RNF216: variants seen among roughly 807,000 people sequenced by gnomAD.
RNF216 encodes E3 ubiquitin-protein ligase RNF216.
Under a neutral mutation model 110.8 loss-of-function variants are expected in RNF216, and 72 were observed. The observed-to-expected ratio is 0.65, with a 90% CI of 0.54 to 0.79. The LOEUF is 0.79. RNF216 is among the 30% of genes least tolerant of loss of function. The pLI, the probability that RNF216 is intolerant of heterozygous loss-of-function variation, is 0.00. For synonymous variants in RNF216, 495 were observed against 407.5 expected, an observed-to-expected ratio of 1.21 and a Z score of -2.59; for missense variants, 1,342 against 1,141.2, an observed-to-expected ratio of 1.18 and a Z score of -2.54.
intron 12 of RNF216, 82 bp from the exon 13 acceptor site, chr7:5,711,921 A>G: frequency 8.0e-7 from 1 of 1,255,536 alleles, no homozygotes; most frequent in Non-Finnish European, 1.1e-6. Flanking sequence ...TGTTCATATG[A>G]AGATGGAGTT....
chr7:5,712,081 C>T (rs375583458), intron 12 of RNF216, among the ~76,000 whole-genome samples: 3 of 152,302 alleles, frequency 2.0e-5, no homozygotes, highest in African/African-American at 7.2e-5. Context: ...CACGTCCCAA[C>T]CTTAATGAGA....
At chr7:5,759,261 C>T (rs1795804288) in intron 2 of RNF216, among the ~76,000 whole-genome samples, 1 of 152,132 alleles carries the variant, frequency 6.6e-6, no homozygotes, top group Non-Finnish European at 1.5e-5. Flanking sequence ...GAATTGTGAA[C>T]CAATTAAACC....
intron 13 of RNF216, among the ~76,000 whole-genome samples, chr7:5,707,748 G>T (rs1300780191): frequency 7.6e-5 from 9 of 118,932 alleles, no homozygotes; most frequent in Admixed American, 1.1e-4. Context: ...TTTTGTGACA[G>T]AGTCTCACTC....
At position 5,620,925 on chromosome 7, in the gene RNF216, A is replaced by T. The variant is rs890014120; in HGVS notation, c.*1935T>A. 1.3e-5 allele frequency: 2 copies of T among 152,208 alleles called. No individual in the cohort carries two copies. The highest frequency in any genetic ancestry group is 4.8e-5 in the African/African-American group (2 of 41,442). The allele number at this position is 152,208 out of a possible 1,614,324, so 9.4% of individuals were successfully genotyped here. A position where few individuals can be genotyped will look rare whatever the true frequency, so the allele number is the denominator to read the frequency against. ...TCCCAGAGATCCTCCCTGGGGAAGC[A>T]CAGGGAGCATATTTAAGGTACCGAA... On this transcript the variant is annotated 3_prime_UTR_variant, in exon 17 of 17. Transcript: ENST00000389902.
chr7:5,699,560 C>T (rs1054687390), intron 13 of RNF216, among the ~76,000 whole-genome samples: 1 of 152,240 alleles, frequency 6.6e-6, no homozygotes, highest in African/African-American at 2.4e-5. Context: ...TCTTCACCCA[C>T]TACCTCAGCA....
chr7:5,775,953 A>C (rs12672943), intron 1 of RNF216, among the ~76,000 whole-genome samples: 63,893 of 151,886 alleles, frequency 0.42, 13,825 homozygotes, highest in East Asian at 0.76. Flanking sequence ...AGGCCTCCAC[A>C]ATACCTCTTC....
chr7:5,739,189 TA>T, intron 5 of RNF216, 86 bp downstream of exon 5: 1 of 1,379,964 alleles, frequency 7.2e-7, no homozygotes, highest in Non-Finnish European at 9.5e-7. Flanking sequence ...ATTGTATATT[TA>T]AAAATGATTA....
At chr7:5,747,777 G>A (rs1795110369) in intron 3 of RNF216, among the ~76,000 whole-genome samples, 7 of 6,558 alleles carry the variant, frequency 1.1e-3, no homozygotes, top group African/African-American at 2.8e-3. Context: ...AAAAAAAAAG[G>A]GGAAAAAAAA....
At chr7:5,750,071 C>T (rs775279062) in intron 3 of RNF216, among the ~76,000 whole-genome samples, 1 of 152,116 alleles carries the variant, frequency 6.6e-6, no homozygotes, top group Non-Finnish European at 1.5e-5. Context: ...CATGAGTATT[C>T]TTATTTTTAT....
chr7:5,743,947 T>C (rs1794902476), intron 3 of RNF216, among the ~76,000 whole-genome samples: 2 of 152,292 alleles, frequency 1.3e-5, no homozygotes, highest in Middle Eastern at 6.8e-3. Flanking sequence ...AGAAACAACA[T>C]CATACAGAAT....
intron 14 of RNF216, among the ~76,000 whole-genome samples, chr7:5,646,226 G>A (rs187513660): frequency 3.3e-5 from 5 of 152,124 alleles, no homozygotes; most frequent in African/African-American, 4.8e-5. Context: ...TAAATTAGCC[G>A]GGCATGGTGG....
At chr7:5,674,790 G>C (rs557558250) in intron 13 of RNF216, among the ~76,000 whole-genome samples, 8 of 152,240 alleles carry the variant, frequency 5.3e-5, no homozygotes, top group African/African-American at 1.9e-4. Flanking sequence ...GAGATCAGGA[G>C]TTCAAGACCA....
At chr7:5,648,386 C>T (rs773974718) in intron 14 of RNF216, among the ~76,000 whole-genome samples, 9 of 151,420 alleles carry the variant, frequency 5.9e-5, no homozygotes, top group East Asian at 2.0e-4. Flanking sequence ...GGGTTACAGG[C>T]GTGAGCCACT....
At chr7:5,681,133 A>G (rs916188437) in intron 13 of RNF216, among the ~76,000 whole-genome samples, 7 of 152,160 alleles carry the variant, frequency 4.6e-5, no homozygotes, top group Non-Finnish European at 7.3e-5. Context: ...CCTCTTGCTT[A>G]TAATTTGGAC....
At chr7:5,693,267 G>T (rs1009082996) in intron 13 of RNF216, among the ~76,000 whole-genome samples, 1 of 152,170 alleles carries the variant, frequency 6.6e-6, no homozygotes, top group African/African-American at 2.4e-5. Flanking sequence ...AGCTGGGATA[G>T]ATACCATATG....
intron 8 of RNF216, among the ~76,000 whole-genome samples, chr7:5,722,482 C>T (rs1186978142): frequency 6.6e-5 from 10 of 151,550 alleles, no homozygotes; most frequent in East Asian, 2.0e-4. Flanking sequence ...CTCCGCCCCC[C>T]GGGGTTCACG....
rs543749893 is a variant in RNF216, at chr7:5,660,663, G to C, written c.2062-8153C>G. Among the ~76,000 whole-genome samples the C allele has an allele frequency of 3.4e-3, 515 of 151,094 alleles. 1 individual carries two copies. Among genetic ancestry groups the C allele is most frequent in the Non-Finnish European group, 5.7e-3 (385 of 67,712 alleles). On this transcript the variant is annotated intron_variant, in intron 13 of 16. Transcript: ENST00000389902. Reference sequence around the variant, plus strand: ...CACAATCTTGGCTCACTGCAGTCGCGACCTCCCTGGCTCAAGCGATCCTCC... The same window carrying C: ...CACAATCTTGGCTCACTGCAGTCGCCACCTCCCTGGCTCAAGCGATCCTCC...
intron 14 of RNF216, among the ~76,000 whole-genome samples, chr7:5,648,031 T>C (rs892282867): frequency 1.3e-5 from 2 of 152,098 alleles, no homozygotes; most frequent in Non-Finnish European, 2.9e-5. Flanking sequence ...GTTTTGTAAT[T>C]TGAGATGCAC....
intron 1 of RNF216, among the ~76,000 whole-genome samples, chr7:5,774,697 G>A (rs1562483918): frequency 6.6e-6 from 1 of 151,430 alleles, no homozygotes. Context: ...AGGAAATGCA[G>A]TGCTTATTAA....
Sources: gnomAD v4.1 joint callset for allele counts (sites outside exome capture counted in the v4.1 genomes callset) on GRCh38, gnomAD v4.1.1 for gene constraint, MANE v1.5 for transcripts, NCBI Gene and HGNC (gene_info 2026-07-23, HGNC 2026-07-21) for gene names.